The following PRKN variants were observed in gnomAD, a reference collection of about 807,000 sequenced individuals.
PRKN encodes parkin RBR E3 ubiquitin protein ligase, also known as E3 ubiquitin-protein ligase parkin.
PRKN carries 56 observed loss-of-function variants against 59.5 expected under a neutral mutation model. The ratio of observed to expected loss-of-function variants is 0.94; its 90% CI spans 0.76 to 1.18. The LOEUF (loss-of-function observed/expected upper bound fraction) is 1.18. Ranked by LOEUF, PRKN falls within the 50% of genes most tolerant of loss-of-function variation. The pLI, the probability that PRKN is intolerant of heterozygous loss-of-function variation, is 0.00. For missense variants in PRKN, 657 were observed against 596.4 expected (o/e 1.10, Z -1.06); for synonymous variants, 250 against 222.1 (o/e 1.13, Z -1.12).
chr6:162,665,267 T>G (rs1355411688), intron 1 of PRKN, among the ~76,000 whole-genome samples: 1 of 152,078 alleles, frequency 6.6e-6, no homozygotes, highest in Non-Finnish European at 1.5e-5. Flanking sequence ...ATGACATGAT[T>G]TTATATTTAG....
At chr6:162,044,485 C>T (rs565341241) in intron 5 of PRKN, among the ~76,000 whole-genome samples, 6 of 152,164 alleles carry the variant, frequency 3.9e-5, no homozygotes, top group Non-Finnish European at 8.8e-5. Context: ...AATTTCCCAG[C>T]GTAGATTCCA....
rs377297745 is a variant in PRKN, at chr6:162,199,859, C to A, written c.534+1272G>T. Among the ~76,000 whole-genome samples the A allele has an allele frequency of 1.4e-3, 213 of 152,200 alleles. 4 individuals are homozygous for A. In the South Asian group the frequency reaches 0.02, roughly 14 times the overall value. ...ATTAGGTGGATCTTTTGAGTTCTTTCACAGGCCCCGTAACACCCATTCTAC... is the reference window on the plus strand; with the variant it reads ...ATTAGGTGGATCTTTTGAGTTCTTTAACAGGCCCCGTAACACCCATTCTAC... On this transcript the variant is annotated intron_variant, in intron 4 of 11. Transcript: ENST00000366898.
intron 6 of PRKN, among the ~76,000 whole-genome samples, chr6:161,852,932 G>A (rs1199168743): frequency 6.6e-6 from 1 of 152,040 alleles, no homozygotes; most frequent in Admixed American, 6.6e-5. Context: ...AATGAGATGA[G>A]CTACAAAGTG....
At chr6:161,811,384 A>G (rs1791550152) in intron 6 of PRKN, among the ~76,000 whole-genome samples, 1 of 152,204 alleles carries the variant, frequency 6.6e-6, no homozygotes, top group Admixed American at 6.5e-5. Flanking sequence ...ACAGAAATCA[A>G]GCCAGTGTGG....
chr6:162,236,190 A>G (rs1047673770), intron 3 of PRKN, among the ~76,000 whole-genome samples: 5 of 152,176 alleles, frequency 3.3e-5, no homozygotes, highest in Non-Finnish European at 7.3e-5. Flanking sequence ...AAGGGACATT[A>G]ATATCACTTG....
intron 1 of PRKN, among the ~76,000 whole-genome samples, chr6:162,579,495 C>T (rs1461103095): frequency 1.5e-4 from 23 of 151,358 alleles, no homozygotes; most frequent in Non-Finnish European, 4.4e-5. Flanking sequence ...CACAGATTTA[C>T]ACACAAAGTT....
chr6:162,547,618 T>C (rs1247437290), intron 1 of PRKN, among the ~76,000 whole-genome samples: 1 of 152,180 alleles, frequency 6.6e-6, no homozygotes, highest in African/African-American at 2.4e-5. Flanking sequence ...TTCACTCTTG[T>C]TGCCCAGGCT....
chr6:162,572,387 T>G (rs1430154879), intron 1 of PRKN, among the ~76,000 whole-genome samples: 3 of 152,138 alleles, frequency 2.0e-5, no homozygotes, highest in Admixed American at 2.0e-4. Context: ...ACAAGAAGAT[T>G]TACAGCTAAG....
intron 2 of PRKN, among the ~76,000 whole-genome samples, chr6:162,307,414 A>AC (rs1202189746): frequency 1.3e-4 from 20 of 151,154 alleles, no homozygotes; most frequent in East Asian, 9.9e-4. Flanking sequence ...AAAAAAAAAA[A>AC]AAAACACCAA....
chr6:161,375,979 C>T (rs1443181306), intron 10 of PRKN, among the ~76,000 whole-genome samples: 4 of 152,170 alleles, frequency 2.6e-5, no homozygotes, highest in African/African-American at 9.7e-5. Context: ...CCCAAATAAC[C>T]GGGGATCTAG....
chr6:161,377,182 G>A lies in PRKN; in HGVS notation c.1167+9612C>T, dbSNP rs1446422193. On this transcript the variant is annotated intron_variant, in intron 10 of 11. Transcript: ENST00000366898. This position sits in a 1 kb window ranked among gnomAD's most constrained non-coding sequence, Gnocchi z 4.2. ...TTTTGGGGGTTCAGCAGCTGAGAAC[G>A]ATGGACCATTTGAAAGAGAGCCCCT... Among the ~76,000 whole-genome samples, 1 of 152,248 alleles carries A rather than the reference G, an allele frequency of 6.6e-6. No homozygotes were observed. Among genetic ancestry groups the A allele is most frequent in the African/African-American group, 2.4e-5 (1 of 41,474 alleles).
Position 161,552,787 on chromosome 6 carries a change from G to GTTGTTTTTTTTTTTTTTTT in PRKN, c.934-3785_934-3784insAAAAAAAAAAAAAAAACAA, listed in dbSNP as rs1554275446. Among the ~76,000 whole-genome samples the GTTGTTTTTTTTTTTTTTTT allele has an allele frequency of 4.6e-5, 4 of 86,504 alleles. 1 individual carries two copies. The highest frequency in any genetic ancestry group is 5.3e-5 in the Non-Finnish European group (2 of 37,616). The allele number at this position is 86,504 out of a possible 152,430, so 56.7% of individuals were successfully genotyped here. A position where few individuals can be genotyped will look rare whatever the true frequency, so the allele number is the denominator to read the frequency against. On this transcript the variant is annotated intron_variant, in intron 8 of 11. Transcript: ENST00000366898. This position sits in a 1 kb window ranked among gnomAD's most constrained non-coding sequence, Gnocchi z 4.9. ...TAAAAGACACCATGGTTTTGTTGTT[G>GTTGTTTTTTTTTTTTTTTT]TTTTTGTTTTTTGTTTTTTTTTTTT...
At chr6:162,634,087 T>C (rs1777618948) in intron 1 of PRKN, among the ~76,000 whole-genome samples, 1 of 152,054 alleles carries the variant, frequency 6.6e-6, no homozygotes, top group African/African-American at 2.4e-5. Context: ...GTGACTCCCC[T>C]GAAACAAAAA....
At chr6:161,659,742 C>CACTG (rs61468408) in intron 7 of PRKN, among the ~76,000 whole-genome samples, 4,692 of 152,168 alleles carry the variant, frequency 0.031, 260 homozygotes, top group African/African-American at 0.11. Context: ...GGCTTGTCGT[C>CACTG]ACTGGCTGTG....
At chr6:162,460,877 A>G (rs1225738381) in intron 1 of PRKN, among the ~76,000 whole-genome samples, 1 of 152,190 alleles carries the variant, frequency 6.6e-6, no homozygotes, top group Admixed American at 6.5e-5. Context: ...GGTATGAAAA[A>G]GGTAGACTTA....
chr6:162,705,867 A>G (rs944825138), intron 1 of PRKN, among the ~76,000 whole-genome samples: 5 of 152,150 alleles, frequency 3.3e-5, no homozygotes, highest in Non-Finnish European at 5.9e-5. Context: ...GTAAACTCTC[A>G]GGGTGTGCAG....
rs1787311371 is a variant in PRKN, at chr6:161,407,119, A to C, written c.1084-20242T>G. Among the ~76,000 whole-genome samples the C allele has an allele frequency of 6.6e-6, 1 of 152,200 alleles. No individual in the cohort carries two copies. The highest frequency in any genetic ancestry group is 2.1e-4 in the South Asian group (1 of 4,828). On this transcript the variant is annotated intron_variant, in intron 9 of 11. Transcript: ENST00000366898. The surrounding 1 kb of genome is among the most constrained non-coding windows in gnomAD (Gnocchi z 4.9). The stretch of plus-strand genomic sequence containing the variant: ...CTATAATGAGTATGCTATATTTGTC[A>C]TTAAAATGTCTTTATATTTTTATAA...
chr6:162,001,045 T>C (rs905727360), intron 5 of PRKN, among the ~76,000 whole-genome samples: 1 of 152,040 alleles, frequency 6.6e-6, no homozygotes, highest in Non-Finnish European at 1.5e-5. Flanking sequence ...ATTACTGTAG[T>C]TTTGTATAGT....
At chr6:162,544,672 A>ATTTTTTTTTTT (rs11296683) in intron 1 of PRKN, among the ~76,000 whole-genome samples, 5 of 71,510 alleles carry the variant, frequency 7.0e-5, no homozygotes, top group Non-Finnish European at 7.5e-5. Flanking sequence ...TTTATTGTTG[A>ATTTTTTTTTTT]TTTTTTTTTT....
Sources: allele counts gnomAD v4.1 joint callset (sites outside exome capture counted in the v4.1 genomes callset), GRCh38; gene constraint gnomAD v4.1.1; non-coding constraint Gnocchi (gnomAD v3.1); transcripts MANE v1.5; gene names NCBI Gene and HGNC (gene_info 2026-07-23, HGNC 2026-07-21).